The following TGM3 variants were observed in gnomAD, a reference collection of about 807,000 sequenced individuals.
TGM3 encodes the protein protein-glutamine gamma-glutamyltransferase E.
Under a neutral mutation model 73.8 loss-of-function variants are expected in TGM3, and 52 were observed. The ratio of observed to expected loss-of-function variants is 0.70; its 90% CI spans 0.56 to 0.89. The LOEUF (loss-of-function observed/expected upper bound fraction) is 0.89. Ranked by LOEUF, TGM3 falls within the 40% of genes least tolerant of loss-of-function variation. The pLI is 0.00. For missense variants in TGM3, 928 were observed against 909.9 expected (o/e 1.02, Z -0.26); for synonymous variants, 372 against 354.9 (o/e 1.05, Z -0.54).
chr20:2,328,011 G>C lies in TGM3; in HGVS notation c.1088-109G>C. ...ACACAGTCAGGGGTGAAGGAATTTGGGCGGGGCAGAGGCAGGGGGTTGCAG... is the reference window on the plus strand; with the variant it reads ...ACACAGTCAGGGGTGAAGGAATTTGCGCGGGGCAGAGGCAGGGGGTTGCAG... On this transcript the variant is annotated intron_variant, in intron 8 of 12. Coordinates refer to ENST00000381458, the MANE Select transcript of TGM3 (RefSeq NM_003245.4). The surrounding 1 kb of genome is among the most constrained non-coding windows in gnomAD (Gnocchi z 5.2). 1 of 1,497,868 alleles carries C rather than the reference G, an allele frequency of 6.7e-7. No individual in the cohort carries two copies. The highest frequency in any genetic ancestry group is 1.8e-5 in the Admixed American group (1 of 56,126). The allele number at this position is 1,497,868 out of a possible 1,614,324, so 92.8% of individuals were successfully genotyped here. A position where few individuals can be genotyped will look rare whatever the true frequency, so the allele number is the denominator to read the frequency against.
intron 1 of TGM3, among the ~76,000 whole-genome samples, chr20:2,304,586 T>C (rs2084167956): frequency 6.6e-6 from 1 of 152,126 alleles, no homozygotes; most frequent in African/African-American, 2.4e-5. Flanking sequence ...CAGAAGGAGG[T>C]TTCGGGACCA....
chr20:2,338,030 T>C (rs2084360587), intron 11 of TGM3, among the ~76,000 whole-genome samples: 1 of 152,146 alleles, frequency 6.6e-6, no homozygotes, highest in Admixed American at 6.6e-5. Context: ...GAGACATTCT[T>C]GTCTCTATTG....
chr20:2,314,715 T>C (rs2084224499), intron 5 of TGM3, among the ~76,000 whole-genome samples: 1 of 151,768 alleles, frequency 6.6e-6, no homozygotes, highest in Non-Finnish European at 1.5e-5. Context: ...AGCAAAAGCC[T>C]ATCTCCAAAA....
intron 9 of TGM3, among the ~76,000 whole-genome samples, chr20:2,331,497 C>T (rs1424048135): frequency 6.6e-6 from 1 of 152,204 alleles, no homozygotes; most frequent in African/African-American, 2.4e-5. Context: ...CAAAATGTCA[C>T]TCCTTGACTC....
intron 12 of TGM3, among the ~76,000 whole-genome samples, 175 bp downstream of exon 12, chr20:2,340,162 G>C (rs1411550247): frequency 1.3e-5 from 2 of 152,174 alleles, no homozygotes; most frequent in African/African-American, 4.8e-5. Context: ...CACCAAACTT[G>C]AACTCCTGAG....
intron 9 of TGM3, among the ~76,000 whole-genome samples, chr20:2,330,173 C>A (rs1465076309): frequency 6.6e-6 from 1 of 152,094 alleles, no homozygotes; most frequent in Non-Finnish European, 1.5e-5. Flanking sequence ...TCTCTGAGGG[C>A]CCCAGAGAGG....
At position 2,314,654 on chromosome 20, in the gene TGM3, C is replaced by T. The variant is rs536622509; in HGVS notation, c.669+1628C>T. Among the ~76,000 whole-genome samples, 5 of 150,938 alleles carry T rather than the reference C, an allele frequency of 3.3e-5. No homozygotes were observed. The East Asian group carries it at 9.9e-4, about 30-fold the overall frequency. ...GGGAATTGCATGAGTCCGTTAGTTG[C>T]AGGCTGCAGTGATCTGTGATTGCGC... On this transcript the variant is annotated intron_variant, in intron 5 of 12. Coordinates refer to ENST00000381458, the MANE Select transcript of TGM3 (RefSeq NM_003245.4).
rs1198883567 is a variant in TGM3, at chr20:2,334,151, GC to G, written c.1643-963del. ...AGAGGACTTAAAGCGTGGGGAAGGAGCCGGATGCATGGAGAGAAGCCAGGGG... is the reference window on the plus strand; with the variant it reads ...AGAGGACTTAAAGCGTGGGGAAGGAGCGGATGCATGGAGAGAAGCCAGGGG... On this transcript the variant is annotated intron_variant, in intron 10 of 12. Transcript: ENST00000381458. This position sits in a 1 kb window ranked among gnomAD's most constrained non-coding sequence, Gnocchi z 4.0. 6.6e-6 allele frequency among the ~76,000 whole-genome samples: 1 copy of G among 152,232 alleles called. No homozygotes were observed. Among genetic ancestry groups the G allele is most frequent in the Admixed American group, 6.5e-5 (1 of 15,288 alleles).
chr20:2,328,180 A>G lies in TGM3; in HGVS notation c.1148A>G (p.Asn383Ser), dbSNP rs184729354. The G allele has an allele frequency of 1.7e-5, 27 of 1,614,116 alleles. No homozygotes were observed. In the African/African-American group the frequency reaches 3.2e-4, roughly 19 times the overall value. The change falls in exon 9 of 13, where the codon AAC (asparagine) becomes AGC (serine). Residue 383 changes from asparagine to serine, a missense_variant. Asn to Ser is a conservative substitution (Grantham distance 46). Transcript: ENST00000381458. The surrounding 1 kb of genome is among the most constrained non-coding windows in gnomAD (Gnocchi z 5.2). The stretch of plus-strand genomic sequence containing the variant: ...GTTCGAGAGGGTGATGTGCAGCTGA[A>G]CTTCGACATGCCCTTTATCTTCGCG... ...IGVREGDVQL[N>S]FDMPFIFAEV...
chr20:2,301,829 T>C (rs1404738348), intron 1 of TGM3, among the ~76,000 whole-genome samples: 1 of 152,122 alleles, frequency 6.6e-6, no homozygotes, highest in Non-Finnish European at 1.5e-5. Flanking sequence ...GCCTACCAAG[T>C]AGCTGGAACT....
At chr20:2,300,240 G>GAAAA (rs2084137560) in intron 1 of TGM3, among the ~76,000 whole-genome samples, 1 of 146,500 alleles carries the variant, frequency 6.8e-6, no homozygotes, top group Non-Finnish European at 1.5e-5. Flanking sequence ...AAGAAAAAAA[G>GAAAA]AAAGAAAGAA....
intron 1 of TGM3, among the ~76,000 whole-genome samples, chr20:2,301,388 G>A (rs1228638461): frequency 1.3e-5 from 2 of 149,510 alleles, no homozygotes; most frequent in East Asian, 3.9e-4. Flanking sequence ...TTTCATGAAG[G>A]GGAGATGGCT....
intron 10 of TGM3, among the ~76,000 whole-genome samples, chr20:2,333,717 C>CA (rs1568633300): frequency 6.6e-6 from 1 of 151,028 alleles, no homozygotes; most frequent in African/African-American, 2.4e-5. Flanking sequence ...TTTTGGAAAT[C>CA]AAAAAAAATT....
At chr20:2,322,477 T>C (rs752133851) in intron 7 of TGM3, among the ~76,000 whole-genome samples, 2 of 152,202 alleles carry the variant, frequency 1.3e-5, no homozygotes, top group African/African-American at 2.4e-5. Flanking sequence ...TAAAAAATCT[T>C]CAAAAATAAG....
At position 2,340,576 on chromosome 20, in the gene TGM3, G is replaced by A. The variant is rs149044769; in HGVS notation, c.2077G>A (p.Glu693Lys). ...IKAMLSIDVA[E>K] ...GGCCATGTTGTCCATCGATGTAGCC[G>A]AATGAAGGGCGCTGGTGGCCTCCCG... The change falls in exon 13 of 13, where the codon GAA (glutamate) becomes AAA (lysine). Residue 693 changes from glutamate (E) to lysine (K), a missense_variant. Physicochemically the swap from Glu to Lys is moderately conservative, Grantham distance 56 (BLOSUM62 1). Coordinates refer to ENST00000381458, the MANE Select transcript of TGM3 (RefSeq NM_003245.4). The A allele has an allele frequency of 2.3e-5, 37 of 1,614,136 alleles. No individual in the cohort carries two copies. Among genetic ancestry groups the A allele is most frequent in the Admixed American group, 1.0e-4 (6 of 60,002 alleles).
At chr20:2,318,700 T>C (rs2084248411) in intron 7 of TGM3, among the ~76,000 whole-genome samples, 1 of 152,224 alleles carries the variant, frequency 6.6e-6, no homozygotes, top group African/African-American at 2.4e-5. Context: ...GATAATCGTA[T>C]GACAGATGTA....
intron 1 of TGM3, among the ~76,000 whole-genome samples, chr20:2,306,232 C>T (rs2084175911): frequency 6.6e-6 from 1 of 152,126 alleles, no homozygotes; most frequent in South Asian, 2.1e-4. Flanking sequence ...TTCCTTACCA[C>T]TGTGCTGGAC....
Position 2,328,392 on chromosome 20 carries a change from C to T in TGM3, c.1333+27C>T. 6.2e-7 allele frequency: 1 copy of T among 1,612,520 alleles called. No individual in the cohort carries two copies. The highest frequency in any genetic ancestry group is 1.1e-5 in the South Asian group (1 of 90,940). On this transcript the variant is annotated intron_variant, in intron 9 of 12. Transcript: ENST00000381458. The surrounding 1 kb of genome is among the most constrained non-coding windows in gnomAD (Gnocchi z 5.2). ...TAGGAGGGACGCTGGCGGGGCAGTGCCGCGAGAGGTTCTATTGTGGGAGGA... is the reference window on the plus strand; with the variant it reads ...TAGGAGGGACGCTGGCGGGGCAGTGTCGCGAGAGGTTCTATTGTGGGAGGA...
rs774285890 is a variant in TGM3 at position 2,311,110 on chromosome 20, T to A, written c.521T>A (p.Ile174Asn). The change falls in exon 4 of 13, where the codon ATT becomes AAT. Residue 174 changes from isoleucine to asparagine, a missense_variant. By Grantham distance (149) the Ile-to-Asn change is moderately radical. Transcript: ENST00000381458. Reference protein sequence around the residue: ...FVGSTNRIGMIGWNFGQFEED... With the variant: ...FVGSTNRIGMNGWNFGQFEED... ...GGAAGCACAAACCGAATTGGCATGA[T>A]TGGCTGGAACTTTGGACAGGTAAAA... 4.3e-6 allele frequency: 7 copies of A among 1,614,052 alleles called. No homozygotes were observed. Among genetic ancestry groups the A allele is most frequent in the Non-Finnish European group, 5.9e-6 (7 of 1,179,968 alleles).
Sources: gnomAD v4.1 joint callset for allele counts (sites outside exome capture counted in the v4.1 genomes callset) on GRCh38, gnomAD v4.1.1 for gene constraint, Gnocchi (gnomAD v3.1) non-coding constraint, MANE v1.5 for transcripts, NCBI Gene and HGNC (gene_info 2026-07-23, HGNC 2026-07-21) for gene names.